WIPI1: variants seen among roughly 807,000 people sequenced by gnomAD.
The protein encoded by WIPI1 is WD repeat domain phosphoinositide-interacting protein 1.
In WIPI1, 45 loss-of-function variants were observed where a neutral mutation model predicts 55.3. The ratio of observed to expected loss-of-function variants is 0.81; its 90% confidence interval spans 0.64 to 1.04. WIPI1 has a LOEUF of 1.04. Among genes scored for constraint, WIPI1 ranks in the 50% least tolerant of loss-of-function variants. The pLI is 0.00. For missense variants in WIPI1, 445 were observed against 559.0 expected, an observed-to-expected ratio of 0.80 and a Z score of 2.06; for synonymous variants, 195 against 217.6, an observed-to-expected ratio of 0.90 and a Z score of 0.92.
At chr17:68,455,559 A>G (rs2084627524) in intron 1 of WIPI1, among the ~76,000 whole-genome samples, 1 of 152,180 alleles carries the variant, frequency 6.6e-6, no homozygotes, top group Non-Finnish European at 1.5e-5. Flanking sequence ...GACTTATTTT[A>G]AAATCCAATG....
intron 1 of WIPI1, among the ~76,000 whole-genome samples, chr17:68,456,595 T>A (rs191405708): frequency 1.3e-5 from 2 of 152,242 alleles, no homozygotes; most frequent in East Asian, 3.9e-4. Flanking sequence ...AATGTGAACA[T>A]CGAAGTAAAA....
intron 10 of WIPI1, 115 bp downstream of exon 10, chr17:68,428,714 C>T: frequency 1.3e-6 from 1 of 778,046 alleles, no homozygotes; most frequent in Non-Finnish European, 2.1e-6. Flanking sequence ...GCCACTGAGA[C>T]TGCCAGTGAA....
chr17:68,429,394 G>A (rs771723727), intron 9 of WIPI1, among the ~76,000 whole-genome samples: 4 of 152,104 alleles, frequency 2.6e-5, no homozygotes, highest in Non-Finnish European at 5.9e-5. Context: ...AGCCCCATAG[G>A]AGTCCGAACC....
At position 68,450,886 on chromosome 17, in the gene WIPI1, C is replaced by T. The variant is rs760538395; in HGVS notation, c.175G>A (p.Asp59Asn). 2 of 1,611,996 alleles carry T rather than the reference C, an allele frequency of 1.2e-6. No individual in the cohort carries two copies. The highest frequency in any genetic ancestry group is 8.5e-7 in the Non-Finnish European group (1 of 1,179,252). ...DQVHGSNEIPDVYIVERLFSS... is the reference protein window; with the variant it reads ...DQVHGSNEIPNVYIVERLFSS... Reference sequence around the variant, plus strand: ...AAGAGGCGCTCCACGATGTAGACGTCCGGGATTTCATCTGGGAGGAAAAGC... The same window carrying T: ...AAGAGGCGCTCCACGATGTAGACGTTCGGGATTTCATCTGGGAGGAAAAGC... Residue 59 changes from aspartate to asparagine, a missense_variant, in exon 3 of 13, where the codon GAC becomes AAC. By Grantham distance (23) the Asp-to-Asn change is conservative. Transcript: ENST00000262139.
At position 68,450,933 on chromosome 17, in the gene WIPI1, G is replaced by A. The variant is rs540887274; in HGVS notation, c.164-36C>T. ...AAGCAGCCGGGAGGTTACATGGATT[G>A]ATCACTTCCAAGAAGGATTCCAGCC... is the stretch of plus-strand genomic sequence containing the variant. On this transcript the variant is annotated intron_variant, in intron 2 of 12. Coordinates refer to ENST00000262139, the MANE Select transcript of WIPI1 (RefSeq NM_017983.7). 26 of 1,587,256 alleles carry A rather than the reference G, an allele frequency of 1.6e-5. No homozygotes were observed. The South Asian group carries it at 2.0e-4, about 12-fold the overall frequency.
rs932250019 is a variant in WIPI1, at chr17:68,431,741, C to T, written c.801-1581G>A. On this transcript the variant is annotated intron_variant, in intron 8 of 12. Coordinates refer to ENST00000262139, the MANE Select transcript of WIPI1 (RefSeq NM_017983.7). Reference sequence around the variant, plus strand: ...CTGAAGAGGCACGTGTGAGCCGTAACCGCCGGGGACATATGAACACCCGTG... The same window carrying T: ...CTGAAGAGGCACGTGTGAGCCGTAATCGCCGGGGACATATGAACACCCGTG... Among the ~76,000 whole-genome samples the T allele has an allele frequency of 5.2e-5, 8 of 152,412 alleles. No individual in the cohort carries two copies. The East Asian group carries it at 1.5e-3, about 29-fold the overall frequency.
chr17:68,452,508 T>C (rs771777583), intron 2 of WIPI1, among the ~76,000 whole-genome samples: 20 of 152,182 alleles, frequency 1.3e-4, no homozygotes, highest in Admixed American at 1.1e-3. Context: ...GAGGTTGCAG[T>C]GAGCCAAGAT....
Position 68,450,708 on chromosome 17 carries a change from T to A in WIPI1, c.333+20A>T. 6.3e-7 allele frequency: 1 copy of A among 1,598,932 alleles called. No homozygotes were observed. The highest frequency in any genetic ancestry group is 1.3e-5 in the African/African-American group (1 of 74,262). On this transcript the variant is annotated intron_variant, in intron 3 of 12. Transcript: ENST00000262139. The stretch of plus-strand genomic sequence containing the variant: ...CCCGTTAGCAGAAGCTTTGAAACCC[T>A]GAGGGATTTCCCCACTTACTTGCCG...
chr17:68,450,539 AAACAACGTTAC>A (rs2084459049), intron 3 of WIPI1, among the ~76,000 whole-genome samples, 178 bp downstream of exon 3: 1 of 152,224 alleles, frequency 6.6e-6, no homozygotes, highest in Admixed American at 6.5e-5. Flanking sequence ...GGTCTAGGGA[AAACAACGTTAC>A]AACCAGCACC....
At chr17:68,452,497 G>A (rs1042327683) in intron 2 of WIPI1, among the ~76,000 whole-genome samples, 2 of 152,130 alleles carry the variant, frequency 1.3e-5, no homozygotes, top group Non-Finnish European at 2.9e-5. Context: ...CCCAGGAGGT[G>A]GAGGTTGCAG....
rs374349914 is a variant in WIPI1, at chr17:68,435,685, C to T, written c.556G>A (p.Glu186Lys). 25 of 1,614,102 alleles carry T rather than the reference C, an allele frequency of 1.5e-5. No individual in the cohort carries two copies. Among genetic ancestry groups the T allele is most frequent in the African/African-American group, 4.0e-5 (3 of 74,934 alleles). The change falls in exon 6 of 13, where the codon GAG (glutamate) becomes AAG (lysine). Residue 186 changes from glutamate to lysine, a missense_variant. Physicochemically the swap from Glu to Lys is moderately conservative, Grantham distance 56. Coordinates refer to ENST00000262139, the MANE Select transcript of WIPI1 (RefSeq NM_017983.7). Reference protein sequence around the residue: ...LKTVCTIAAHEGTLAAITFNA... With the variant: ...LKTVCTIAAHKGTLAAITFNA... ...AAGGTGATGGCAGCTAGTGTTCCCT[C>T]ATGGGCAGCAATAGTGCAGACTGTT...
At chr17:68,429,285 A>AT (rs1215117418) in intron 9 of WIPI1, among the ~76,000 whole-genome samples, 1 of 152,180 alleles carries the variant, frequency 6.6e-6, no homozygotes, top group Admixed American at 6.5e-5. Flanking sequence ...AAGGGGGTAA[A>AT]TGGAGGATTG....
Position 68,421,823 on chromosome 17 carries a change from A to G in WIPI1, c.1294-3T>C, listed in dbSNP as rs2082796944. Reference sequence around the variant, plus strand: ...TGATTTCCACGGCACAAGATTATCTACCAAAATCAAAACAGAATGGCCTTA... The same window carrying G: ...TGATTTCCACGGCACAAGATTATCTGCCAAAATCAAAACAGAATGGCCTTA... On this transcript the variant is annotated splice_polypyrimidine_tract_variant and splice_region_variant and intron_variant, in intron 12 of 12. Coordinates refer to ENST00000262139, the MANE Select transcript of WIPI1 (RefSeq NM_017983.7). 1 of 1,614,194 alleles carries G rather than the reference A, an allele frequency of 6.2e-7. No homozygotes were observed. The highest frequency in any genetic ancestry group is 2.2e-5 in the East Asian group (1 of 44,886).
At chr17:68,424,644 G>A in intron 12 of WIPI1, 1 of 392,260 alleles carries the variant, frequency 2.5e-6, no homozygotes, top group Non-Finnish European at 5.1e-6. Context: ...GGGAGGCCGA[G>A]ACGAGTGGAT....
chr17:68,425,764 A>T (rs996367674), intron 12 of WIPI1, among the ~76,000 whole-genome samples: 1 of 152,210 alleles, frequency 6.6e-6, no homozygotes, highest in African/African-American at 2.4e-5. Flanking sequence ...CCTTCCAGGC[A>T]GCAAAGTCAG....
intron 6 of WIPI1, among the ~76,000 whole-genome samples, chr17:68,435,345 C>T (rs112931919): frequency 0.011 from 1,643 of 152,292 alleles, 32 homozygotes; most frequent in African/African-American, 0.037. Context: ...TCCGTCTCTA[C>T]GGCTGATGTA....
rs10730 is a variant in WIPI1, at chr17:68,421,473, G to T, written c.*300C>A. The T allele has an allele frequency of 3.6e-5, 14 of 387,354 alleles. No individual in the cohort carries two copies. The allele number at this position is 387,354 out of a possible 1,614,324, so 24.0% of individuals were successfully genotyped here. ...TTACACGGCATATATTTAAAAAGGAGGCCCCTTTTAATATAAAATTCCGGT... is the reference window on the plus strand; with the variant it reads ...TTACACGGCATATATTTAAAAAGGATGCCCCTTTTAATATAAAATTCCGGT... On this transcript the variant is annotated 3_prime_UTR_variant, in exon 13 of 13. Transcript: ENST00000262139.
intron 4 of WIPI1, among the ~76,000 whole-genome samples, chr17:68,439,052 G>C (rs1223398489): frequency 6.6e-6 from 1 of 152,160 alleles, no homozygotes; most frequent in Non-Finnish European, 1.5e-5. Context: ...ATGTAAAATG[G>C]GGCAGTGCTC....
chr17:68,435,515 G>T, intron 6 of WIPI1, 105 bp downstream of exon 6: 1 of 1,102,588 alleles, frequency 9.1e-7, no homozygotes, highest in South Asian at 1.3e-5. Flanking sequence ...TGGGCCCAGA[G>T]ACCAGTCAGT....
Sources: gnomAD v4.1 joint callset for allele counts (sites outside exome capture counted in the v4.1 genomes callset) on GRCh38, gnomAD v4.1.1 for gene constraint, MANE v1.5 for transcripts, NCBI Gene and HGNC (gene_info 2026-07-23, HGNC 2026-07-21) for gene names.